Variants in SHB observed in about 807,000 individuals in gnomAD.
SHB encodes the protein SH2 domain containing adaptor protein B.
A neutral mutation model predicts 52.3 loss-of-function variants in SHB; 20 were observed. The observed-to-expected ratio is 0.38, with a 90% CI of 0.27 to 0.56. The LOEUF is 0.56. Among genes scored for constraint, SHB ranks in the 20% least tolerant of loss-of-function variants. SHB has a pLI of 0.71. For missense variants in SHB, 825 were observed against 723.3 expected (o/e 1.14, Z -1.61); for synonymous variants, 397 against 316.5 (o/e 1.25, Z -2.70).
At chr9:37,935,710 C>T (rs1160624549) in intron 5 of SHB, among the ~76,000 whole-genome samples, 1 of 152,078 alleles carries the variant, frequency 6.6e-6, no homozygotes, top group African/African-American at 2.4e-5. Context: ...TAGTAAGACG[C>T]AGAATCGAGA....
chr9:37,975,252 T>C (rs1347661643), intron 2 of SHB, among the ~76,000 whole-genome samples: 2 of 152,300 alleles, frequency 1.3e-5, no homozygotes, highest in South Asian at 2.1e-4. Flanking sequence ...TCAGTCCTCA[T>C]CTGTACAAGG....
chr9:37,966,625 T>G lies in SHB; in HGVS notation c.1054+7997A>C, dbSNP rs552134279. Among the ~76,000 whole-genome samples the G allele has an allele frequency of 3.3e-5, 5 of 152,296 alleles. No homozygotes were observed. The South Asian group carries it at 1.0e-3, about 32-fold the overall frequency. Reference sequence around the variant, plus strand: ...CATTTGGTACCAACACAATTGTTAATTTCCTCACAGGCTCAAGGCATTCTG... The same window carrying G: ...CATTTGGTACCAACACAATTGTTAAGTTCCTCACAGGCTCAAGGCATTCTG... On this transcript the variant is annotated intron_variant, in intron 3 of 5. Transcript: ENST00000377707.
At chr9:37,929,974 C>G (rs573389410) in intron 5 of SHB, among the ~76,000 whole-genome samples, 1 of 152,234 alleles carries the variant, frequency 6.6e-6, no homozygotes, top group South Asian at 2.1e-4. Flanking sequence ...TGGTGGCACA[C>G]GCTTGTAGTC....
chr9:38,036,276 G>C (rs1195483651), intron 1 of SHB, among the ~76,000 whole-genome samples: 4 of 152,202 alleles, frequency 2.6e-5, no homozygotes, highest in Non-Finnish European at 5.9e-5. Flanking sequence ...CAACGAGGTA[G>C]AACTAACAGG....
At position 38,028,889 on chromosome 9, in the gene SHB, C is replaced by G. The variant is rs548302967; in HGVS notation, c.718-12758G>C. 1.2e-4 allele frequency among the ~76,000 whole-genome samples: 19 copies of G among 152,318 alleles called. No individual in the cohort carries two copies. In the South Asian group the frequency reaches 3.7e-3, roughly 30 times the overall value. ...GCATGCTCTCTGCCTCCCTGGTCACCTGCCATTCCACGGGGTGGTAGGGTG... is the reference window on the plus strand; with the variant it reads ...GCATGCTCTCTGCCTCCCTGGTCACGTGCCATTCCACGGGGTGGTAGGGTG... On this transcript the variant is annotated intron_variant, in intron 1 of 5. Transcript: ENST00000377707.
At chr9:38,001,332 A>G (rs1564098721) in intron 2 of SHB, among the ~76,000 whole-genome samples, 1 of 152,244 alleles carries the variant, frequency 6.6e-6, no homozygotes, top group Non-Finnish European at 1.5e-5. Context: ...CCTTGTCAGG[A>G]GAGGAGATAA....
chr9:38,012,893 T>C, intron 2 of SHB, among the ~76,000 whole-genome samples: 1 of 151,012 alleles, frequency 6.6e-6, no homozygotes, highest in African/African-American at 2.4e-5. Context: ...TCACTCCCAC[T>C]CCACTGCCAT....
chr9:37,983,779 G>A (rs993032329), intron 2 of SHB, among the ~76,000 whole-genome samples: 4 of 152,326 alleles, frequency 2.6e-5, no homozygotes, highest in Admixed American at 2.6e-4. Context: ...TGCCCGAGAC[G>A]CCAGGGTTGC....
At chr9:37,950,729 T>A (rs1832556562) in intron 4 of SHB, among the ~76,000 whole-genome samples, 1 of 152,078 alleles carries the variant, frequency 6.6e-6, no homozygotes, top group African/African-American at 2.4e-5. Flanking sequence ...CAACCTCTCT[T>A]GGGTTGTGGG....
intron 2 of SHB, among the ~76,000 whole-genome samples, chr9:38,010,013 T>C (rs1305022123): frequency 6.6e-6 from 1 of 152,198 alleles, no homozygotes; most frequent in Non-Finnish European, 1.5e-5. Flanking sequence ...GAAGGGTTAG[T>C]AACATCTAAA....
intron 5 of SHB, among the ~76,000 whole-genome samples, chr9:37,931,766 C>T (rs1368079407): frequency 1.3e-5 from 2 of 152,204 alleles, no homozygotes; most frequent in East Asian, 3.8e-4. Context: ...AGTAAAATCA[C>T]CATCTTGTAA....
chr9:38,043,411 G>A (rs775439139), intron 1 of SHB, among the ~76,000 whole-genome samples: 8 of 152,310 alleles, frequency 5.3e-5, no homozygotes, highest in Non-Finnish European at 7.3e-5. Context: ...CATCTTAACT[G>A]TGCATTTCCC....
At chr9:37,973,964 C>T (rs186500548) in intron 3 of SHB, among the ~76,000 whole-genome samples, 1 of 152,244 alleles carries the variant, frequency 6.6e-6, no homozygotes, top group East Asian at 1.9e-4. Context: ...CTTCTGAAAA[C>T]TGAAATCAGG....
chr9:37,924,247 G>A (rs1022097565), intron 5 of SHB, among the ~76,000 whole-genome samples: 10 of 152,138 alleles, frequency 6.6e-5, no homozygotes, highest in African/African-American at 2.4e-4. Flanking sequence ...TATCAAATGT[G>A]CCGGGCACGC....
In SHB at chr9:37,972,529, C is replaced by A. The variant is rs536980276; in HGVS notation, c.1054+2093G>T. Among the ~76,000 whole-genome samples the A allele has an allele frequency of 2.0e-5, 3 of 152,318 alleles. No homozygotes were observed. In the South Asian group the frequency reaches 6.2e-4, roughly 32 times the overall value. The stretch of plus-strand genomic sequence containing the variant: ...CAAGACCAACATCTACAGAACTAAC[C>A]CTGATGTGGTGTGAGAAATCTTCCC... On this transcript the variant is annotated intron_variant, in intron 3 of 5. Transcript: ENST00000377707.
intron 5 of SHB, among the ~76,000 whole-genome samples, chr9:37,941,634 C>T (rs1832435043): frequency 6.6e-6 from 1 of 152,220 alleles, no homozygotes; most frequent in South Asian, 2.1e-4. Context: ...CTGAAGTTTG[C>T]TCTTAAAAGG....
intron 5 of SHB, chr9:37,936,718 A>G (rs1270771998): frequency 6.6e-6 from 1 of 152,168 alleles, no homozygotes; most frequent in African/African-American, 2.4e-5. Flanking sequence ...GGGGGTTTCT[A>G]GTAAAAACTG....
intron 5 of SHB, among the ~76,000 whole-genome samples, chr9:37,933,253 A>C (rs568607691): frequency 6.6e-6 from 1 of 152,364 alleles, no homozygotes; most frequent in South Asian, 2.1e-4. Context: ...GAAATAGAGA[A>C]TAGTTTACAA....
chr9:37,950,745 A>G (rs1832556863), intron 4 of SHB, among the ~76,000 whole-genome samples: 1 of 152,188 alleles, frequency 6.6e-6, no homozygotes, highest in African/African-American at 2.4e-5. Context: ...GTGGGAATGT[A>G]ACAAGTGGCC....
Sources: gnomAD v4.1 joint callset for allele counts (sites outside exome capture counted in the v4.1 genomes callset) on GRCh38, gnomAD v4.1.1 for gene constraint, MANE v1.5 for transcripts, NCBI Gene and HGNC (gene_info 2026-07-23, HGNC 2026-07-21) for gene names.